ICA1: variants seen among roughly 807,000 people sequenced by gnomAD.
ICA1 encodes islet cell autoantigen 1.
In ICA1, 40 loss-of-function variants were observed where a neutral mutation model predicts 71.0. That is an observed-to-expected ratio of 0.56 (90% CI 0.44 to 0.73). The LOEUF is 0.73. ICA1 is among the 30% of genes least tolerant of loss of function. ICA1 has a pLI of 0.00. For synonymous variants in ICA1, 207 were observed against 209.5 expected (o/e 0.99, Z 0.10); for missense variants, 578 against 576.5 (o/e 1.00, Z -0.03).
At chr7:8,167,401 C>T (rs1366630733) in intron 6 of ICA1, among the ~76,000 whole-genome samples, 2 of 152,110 alleles carry the variant, frequency 1.3e-5, no homozygotes, top group Non-Finnish European at 2.9e-5. Flanking sequence ...CATGTTCTCA[C>T]CTAGAGTAGA....
chr7:8,236,574 C>A (rs936916757), intron 1 of ICA1, among the ~76,000 whole-genome samples: 4 of 151,932 alleles, frequency 2.6e-5, no homozygotes, highest in Non-Finnish European at 5.9e-5. Flanking sequence ...AAAATAGAAA[C>A]AAAAATAGAA....
intron 4 of ICA1, among the ~76,000 whole-genome samples, chr7:8,228,321 C>A (rs976363049): frequency 1.3e-5 from 2 of 151,858 alleles, no homozygotes; most frequent in African/African-American, 2.4e-5. Context: ...AGGTAAAAAG[C>A]CCAAGATACA....
At chr7:8,116,323 G>A (rs956638850) in intron 13 of ICA1, 1 of 152,186 alleles carries the variant, frequency 6.6e-6, no homozygotes, top group African/African-American at 2.4e-5. Flanking sequence ...TCTCTGACCA[G>A]TCTAATATTC....
intron 5 of ICA1, chr7:8,218,847 T>A (rs565889832): frequency 2.7e-6 from 1 of 370,114 alleles, no homozygotes; most frequent in African/African-American, 2.1e-5. Context: ...GCATGACCAC[T>A]GCCCATTTCT....
chr7:8,184,250 A>C (rs1783184043), intron 6 of ICA1, among the ~76,000 whole-genome samples: 1 of 152,106 alleles, frequency 6.6e-6, no homozygotes, highest in African/African-American at 2.4e-5. Context: ...TGCCCCTCTC[A>C]TTTTGTCTCT....
At chr7:8,133,801 C>T (rs1000771962) in intron 12 of ICA1, among the ~76,000 whole-genome samples, 1 of 150,628 alleles carries the variant, frequency 6.6e-6, no homozygotes, top group Admixed American at 6.6e-5. Flanking sequence ...ATTGCTCAAA[C>T]ATATTCTGGG....
chr7:8,256,415 G>T (rs112330543), intron 1 of ICA1, among the ~76,000 whole-genome samples: 34 of 151,700 alleles, frequency 2.2e-4, no homozygotes, highest in South Asian at 1.5e-3. Context: ...TTCCCTCTGC[G>T]CATGTCAGAA....
At position 8,123,280 on chromosome 7, in the gene ICA1, G is replaced by A. The variant is rs1787720516; in HGVS notation, c.1330+4593C>T. ...ATCCCCCTTCCTCTCCATTTCCCCA[G>A]GGGACTGGGGACAGAACGAGGAGAG... On this transcript the variant is annotated intron_variant, in intron 13 of 13. Coordinates refer to ENST00000402384, the MANE Select transcript of ICA1 (RefSeq NM_001136020.3). The surrounding 1 kb of genome is among the most constrained non-coding windows in gnomAD (Gnocchi z 4.1). 1.3e-5 allele frequency among the ~76,000 whole-genome samples: 2 copies of A among 152,180 alleles called. No individual in the cohort carries two copies. The highest frequency in any genetic ancestry group is 2.4e-5 in the African/African-American group (1 of 41,444).
chr7:8,217,610 T>G (rs1484363806), intron 6 of ICA1, among the ~76,000 whole-genome samples: 1 of 152,350 alleles, frequency 6.6e-6, no homozygotes, highest in Admixed American at 6.5e-5. Flanking sequence ...ACCAAGATTG[T>G]ACACAACAAA....
intron 10 of ICA1, 56 bp downstream of exon 10, chr7:8,141,709 C>G (rs1442262491): frequency 1.1e-5 from 12 of 1,086,126 alleles, no homozygotes; most frequent in Non-Finnish European, 1.6e-5. Flanking sequence ...AATGACTTGG[C>G]TGTTAAGCAT....
chr7:8,152,565 A>ACCT (rs1562698304), intron 8 of ICA1, among the ~76,000 whole-genome samples: 32 of 141,342 alleles, frequency 2.3e-4, no homozygotes, highest in Admixed American at 2.2e-3. Flanking sequence ...CACCACCACC[A>ACCT]CCACCACCAC....
Position 8,237,432 on chromosome 7 carries a change from C to G in ICA1, c.-79-1427G>C, listed in dbSNP as rs140632764. Among the ~76,000 whole-genome samples the G allele has an allele frequency of 1.4e-4, 21 of 152,178 alleles. No homozygotes were observed. The East Asian group carries it at 3.5e-3, about 25-fold the overall frequency. ...CCATGAACTATTAGGATAGTTGGTA[C>G]TTTTTGATTAATATTTTTATTATGG... On this transcript the variant is annotated intron_variant, in intron 1 of 13. Transcript: ENST00000402384.
At chr7:8,117,728 A>C (rs1013894203) in intron 13 of ICA1, among the ~76,000 whole-genome samples, 2 of 152,216 alleles carry the variant, frequency 1.3e-5, no homozygotes, top group African/African-American at 4.8e-5. Context: ...AAAGATTTGT[A>C]TCTGATAAGG....
At chr7:8,174,955 C>T (rs558118458) in intron 6 of ICA1, among the ~76,000 whole-genome samples, 186 of 152,162 alleles carry the variant, frequency 1.2e-3, no homozygotes, top group African/African-American at 4.3e-3. Context: ...GAGAAATACA[C>T]GTTCCACTGC....
intron 6 of ICA1, among the ~76,000 whole-genome samples, chr7:8,189,995 C>T (rs182919304): frequency 3.9e-5 from 6 of 152,278 alleles, no homozygotes; most frequent in South Asian, 2.1e-4. Context: ...ATTGGAGGGA[C>T]GGGCTCAGGA....
chr7:8,185,237 T>C (rs986980569), intron 6 of ICA1, among the ~76,000 whole-genome samples: 15 of 152,174 alleles, frequency 9.9e-5, no homozygotes, highest in African/African-American at 3.1e-4. Context: ...AATCCTGACC[T>C]TGTAAGAATT....
At chr7:8,253,546 C>T (rs2128537626) in intron 1 of ICA1, among the ~76,000 whole-genome samples, 1 of 152,144 alleles carries the variant, frequency 6.6e-6, no homozygotes, top group Non-Finnish European at 1.5e-5. Context: ...GTTTGGACTG[C>T]ATAGGTCCAC....
At chr7:8,216,199 G>C (rs1795348554) in intron 6 of ICA1, among the ~76,000 whole-genome samples, 2 of 152,200 alleles carry the variant, frequency 1.3e-5, no homozygotes, top group African/African-American at 4.8e-5. Context: ...CTGGAATCTT[G>C]TCATCTGTTA....
chr7:8,232,786 C>T lies in ICA1; in HGVS notation c.18-31G>A, dbSNP rs772320067. Reference sequence around the variant, plus strand: ...AACATTTAAAGAACTATTTTATTCACACCTTTCATAAAGATTAAGATATTT... The same window carrying T: ...AACATTTAAAGAACTATTTTATTCATACCTTTCATAAAGATTAAGATATTT... On this transcript the variant is annotated intron_variant, in intron 2 of 13. Transcript: ENST00000402384. The T allele has an allele frequency of 2.5e-5, 38 of 1,511,312 alleles. No individual in the cohort carries two copies. In the African/African-American group the frequency reaches 4.3e-4, roughly 17 times the overall value. 93.6% of individuals were successfully genotyped at this position (1,511,312 alleles called of 1,614,324 possible).
Sources: gnomAD v4.1 joint callset for allele counts (sites outside exome capture counted in the v4.1 genomes callset) on GRCh38, gnomAD v4.1.1 for gene constraint, Gnocchi (gnomAD v3.1) non-coding constraint, MANE v1.5 for transcripts, NCBI Gene and HGNC (gene_info 2026-07-23, HGNC 2026-07-21) for gene names.